The following MROH6 variants were observed in gnomAD, a reference collection of about 807,000 sequenced individuals.
The protein encoded by MROH6 is maestro heat-like repeat-containing protein family member 6.
In MROH6, 62 loss-of-function variants were observed where a neutral mutation model predicts 67.7. The observed-to-expected ratio is 0.92, with a 90% CI of 0.75 to 1.13. The LOEUF is 1.13. MROH6 is among the 50% of genes most tolerant of loss of function. The probability of loss-of-function intolerance (pLI) is 0.00; values close to 1 mark genes in which losing one functional copy is unlikely to be tolerated. For missense variants in MROH6, 1,175 were observed against 1,029.1 expected (o/e 1.14, Z -1.94); for synonymous variants, 566 against 470.8 (o/e 1.20, Z -2.62).
rs1433086262 is a variant in MROH6 at position 143,568,543 on chromosome 8, GC to G, written c.1644+8del. On this transcript the variant is annotated splice_region_variant and intron_variant, in intron 10 of 13. Transcript: ENST00000398882. The stretch of plus-strand genomic sequence containing the variant: ...GCATAGGGGTGGGATGGTGTCGGGG[GC>G]TGCTGACCTCAGCAGCGTCCCTGCT... 1 of 1,520,308 alleles carries G rather than the reference GC, an allele frequency of 6.6e-7. No individual in the cohort carries two copies. Among genetic ancestry groups the G allele is most frequent in the African/African-American group, 1.4e-5 (1 of 72,816 alleles). The allele number at this position is 1,520,308 out of a possible 1,614,324, so 94.2% of individuals were successfully genotyped here. A position where few individuals can be genotyped will look rare whatever the true frequency, so the allele number is the denominator to read the frequency against.
At position 143,570,861 on chromosome 8, in the gene MROH6, G is replaced by A. The variant is rs552541863; in HGVS notation, c.720+16C>T. 2 of 627,276 alleles carry A rather than the reference G, an allele frequency of 3.2e-6. No homozygotes were observed. The highest frequency in any genetic ancestry group is 8.5e-5 in the East Asian group (2 of 23,436). 38.9% of individuals were successfully genotyped at this position (627,276 alleles called of 1,614,324 possible). On this transcript the variant is annotated intron_variant, in intron 4 of 13. Transcript: ENST00000398882. ...ACCCCCGCCCCCACCCCCTGGTAAT[G>A]GCTGGAGCCACCTACCGCCAGTGCC...
rs147170425 is a variant in MROH6, at chr8:143,572,133, G to T, written c.347C>A (p.Thr116Lys). 6.2e-7 allele frequency: 1 copy of T among 1,612,928 alleles called. No homozygotes were observed. The highest frequency in any genetic ancestry group is 8.5e-7 in the Non-Finnish European group (1 of 1,179,872). The change falls in exon 2 of 14, where the codon ACG (threonine) becomes AAG (lysine). Residue 116 changes from threonine to lysine, a missense_variant. Physicochemically the swap from Thr to Lys is moderately conservative, Grantham distance 78. Transcript: ENST00000398882. The stretch of plus-strand genomic sequence containing the variant: ...GCCAGCCTCCTCCAGGCAGGCAGCC[G>T]TGTACAACGCGAGGTCGGCAAGAAC... ...EGVLADLALY[T>K]AACLEEAGFA...
rs1823896061 is a variant in MROH6, at chr8:143,569,823, G to A, written c.1176C>T (p.Pro392=). ...AFFTGLLQSR[P]TARLLREEVI... ...CCTCCTCCCGCAGGAGCCGTGCGGT[G>A]GGCCGGCTCTGCAACAGCTAGGCGA... Residue 392 remains proline (P), a synonymous_variant, in exon 8 of 14, where the codon CCC becomes CCT. Coordinates refer to ENST00000398882, the MANE Select transcript of MROH6 (RefSeq NM_001100878.2). The A allele has an allele frequency of 6.2e-7, 1 of 1,611,164 alleles. No homozygotes were observed. The highest frequency in any genetic ancestry group is 1.7e-5 in the Admixed American group (1 of 59,650).
At position 143,567,109 on chromosome 8, in the gene MROH6, G is replaced by A; in HGVS notation, c.*130C>T. The A allele has an allele frequency of 2.4e-6, 1 of 424,384 alleles. No homozygotes were observed. The highest frequency in any genetic ancestry group is 3.8e-6 in the Non-Finnish European group (1 of 260,476). The allele number at this position is 424,384 out of a possible 1,614,324, so 26.3% of individuals were successfully genotyped here. A position where few individuals can be genotyped will look rare whatever the true frequency, so the allele number is the denominator to read the frequency against. ...GGGTGCCTGAAGAGGGGTCACGGGG[G>A]TGGGGGGTGGGGGAGGGCATTGGCG... On this transcript the variant is annotated 3_prime_UTR_variant, in exon 14 of 14. Coordinates refer to ENST00000398882, the MANE Select transcript of MROH6 (RefSeq NM_001100878.2).
rs1332261891 is a variant in MROH6 at position 143,571,047 on chromosome 8, G to A, written c.603-53C>T. ...GACAAGAGATGGGTGGGTGTCCAGG[G>A]AATGTAGGGAGTCCCCAGCCAGGGT... On this transcript the variant is annotated intron_variant, in intron 3 of 13. Transcript: ENST00000398882. 4.1e-6 allele frequency: 6 copies of A among 1,474,646 alleles called. No individual in the cohort carries two copies. The African/African-American group carries it at 5.6e-5, about 14-fold the overall frequency. The allele number at this position is 1,474,646 out of a possible 1,614,324, so 91.3% of individuals were successfully genotyped here.
chr8:143,567,681 A>G lies in MROH6; in HGVS notation c.1868-5T>C, dbSNP rs748865295. 3 of 1,579,148 alleles carry G rather than the reference A, an allele frequency of 1.9e-6. No homozygotes were observed. The South Asian group carries it at 3.5e-5, about 18-fold the overall frequency. ...TGGCGTGGTGGACAAGGAAGCCTGG[A>G]CCACAGCAGATGCATGAGTGCAGGC... On this transcript the variant is annotated splice_polypyrimidine_tract_variant and splice_region_variant and intron_variant, in intron 12 of 13. Transcript: ENST00000398882.
At chr8:143,569,330 G>A in intron 9 of MROH6, 111 bp downstream of exon 9, 1 of 852,184 alleles carries the variant, frequency 1.2e-6, no homozygotes, top group South Asian at 2.2e-5. Context: ...GGGCCTGAGA[G>A]GGCGGGGCCT....
intron 12 of MROH6, 47 bp from the exon 13 acceptor site, chr8:143,567,723 G>A (rs760059837): frequency 6.4e-7 from 1 of 1,573,338 alleles, no homozygotes; most frequent in Non-Finnish European, 8.6e-7. Flanking sequence ...GCCCCCCAGG[G>A]GGAGGCTGGC....
chr8:143,570,185 G>A (rs961309711), intron 6 of MROH6, 58 bp downstream of exon 6: 1 of 1,557,300 alleles, frequency 6.4e-7, no homozygotes, highest in East Asian at 2.3e-5. Context: ...CCAGCACCTG[G>A]CCAGCAACGA....
intron 4 of MROH6, 21 bp downstream of exon 4, chr8:143,570,856 G>GT: frequency 7.5e-7 from 1 of 1,329,118 alleles, no homozygotes; most frequent in Non-Finnish European, 1.0e-6. Flanking sequence ...CCACCCCCTG[G>GT]TAATGGCTGG....
Position 143,567,358 on chromosome 8 carries a change from G to GCAGC in MROH6, c.2040_2041insGCTG (p.Pro681AlafsTer60). The GCAGC allele has an allele frequency of 8.2e-7, 1 of 1,221,848 alleles. No homozygotes were observed. 75.7% of individuals were successfully genotyped at this position (1,221,848 alleles called of 1,614,324 possible). A position where few individuals can be genotyped will look rare whatever the true frequency, so the allele number is the denominator to read the frequency against. On this transcript the variant is annotated frameshift_variant, in exon 14 of 14. Coordinates refer to ENST00000398882, the MANE Select transcript of MROH6 (RefSeq NM_001100878.2). LOFTEE classifies it low-confidence loss of function (END_TRUNC). ...CGCGGGGCGATGCGGAGAAGGCGGG[G>GCAGC]CCCGCGGGGGCAGCCCCGGGCACGG...
rs1824114759 is a variant in MROH6 at position 143,572,502 on chromosome 8, A to C, written c.213T>G (p.Arg71=). ...LTAPSEAEPG[R]GATVPEAGSE... is the part of the protein sequence containing the mutation. The stretch of plus-strand genomic sequence containing the variant: ...TGCCAGCTTCAGGGACGGTGGCCCC[A>C]CGTCCAGGCTCTGCCTCAGAGGGGG... The change falls in exon 1 of 14, where the codon CGT becomes CGG. Residue 71 remains arginine (R), a synonymous_variant. Transcript: ENST00000398882. The C allele has an allele frequency of 2.5e-6, 4 of 1,604,870 alleles. No individual in the cohort carries two copies. Among genetic ancestry groups the C allele is most frequent in the Non-Finnish European group, 2.5e-6 (3 of 1,177,238 alleles).
chr8:143,567,774 G>T lies in MROH6; in HGVS notation c.1867+12C>A. Reference sequence around the variant, plus strand: ...CCGGTGCCAGGGGCAGTGTGACCCCGGGCGGCCTCACCTATAAGCACGGCG... The same window carrying T: ...CCGGTGCCAGGGGCAGTGTGACCCCTGGCGGCCTCACCTATAAGCACGGCG... On this transcript the variant is annotated intron_variant, in intron 12 of 13. Transcript: ENST00000398882. 1 of 1,564,216 alleles carries T rather than the reference G, an allele frequency of 6.4e-7. No individual in the cohort carries two copies. Among genetic ancestry groups the T allele is most frequent in the African/African-American group, 1.4e-5 (1 of 73,608 alleles).
In MROH6 at chr8:143,569,987, G is replaced by A; in HGVS notation, c.1122C>T (p.Asp374=). 3 of 1,612,798 alleles carry A rather than the reference G, an allele frequency of 1.9e-6. No individual in the cohort carries two copies. Among genetic ancestry groups the A allele is most frequent in the Non-Finnish European group, 2.5e-6 (3 of 1,179,862 alleles). ...AGGCCATAGCCGTGAGACGCTGCGGGTCGTCCGCGCTGCGAAGCCGAGGGA... is the reference window on the plus strand; with the variant it reads ...AGGCCATAGCCGTGAGACGCTGCGGATCGTCCGCGCTGCGAAGCCGAGGGA... The part of the protein sequence containing the change: ...DLLPRLRSAD[D]PQRLTAMAFF... The change falls in exon 7 of 14, where the codon GAC becomes GAT. Residue 374 remains aspartate, a synonymous_variant. Transcript: ENST00000398882.
At chr8:143,570,685 TG>T in intron 4 of MROH6, 28 bp from the exon 5 acceptor site, 1 of 1,574,362 alleles carries the variant, frequency 6.4e-7, no homozygotes, top group Non-Finnish European at 8.6e-7. Context: ...CACTCAGGCC[TG>T]GGGCACGCCT....
chr8:143,571,656 G>A lies in MROH6; in HGVS notation c.602+11C>T, dbSNP rs777941951. Reference sequence around the variant, plus strand: ...CGCGTGGGGACCGCAGGGCCAGGACGGTTGGGTTACCGATCGGCGGGCAGA... The same window carrying A: ...CGCGTGGGGACCGCAGGGCCAGGACAGTTGGGTTACCGATCGGCGGGCAGA... On this transcript the variant is annotated intron_variant, in intron 3 of 13. Transcript: ENST00000398882. The A allele has an allele frequency of 2.8e-5, 44 of 1,560,628 alleles. No individual in the cohort carries two copies. The East Asian group carries it at 5.8e-4, about 20-fold the overall frequency.
chr8:143,567,662 G>A lies in MROH6; in HGVS notation c.1882C>T (p.His628Tyr), dbSNP rs758480852. Residue 628 changes from histidine to tyrosine, a missense_variant, in exon 13 of 14, where the codon CAC becomes TAC. Physicochemically the swap from His to Tyr is moderately conservative, Grantham distance 83 (BLOSUM62 2). Coordinates refer to ENST00000398882, the MANE Select transcript of MROH6 (RefSeq NM_001100878.2). ...TGGTTGACACAGCCGGGGCTGGCGT[G>A]GTGGACAAGGAAGCCTGGACCACAG... ...AAVLIGFLVHHASPGCVNQDL... is the reference protein window; with the variant it reads ...AAVLIGFLVHYASPGCVNQDL... 30 of 1,577,158 alleles carry A rather than the reference G, an allele frequency of 1.9e-5. No homozygotes were observed. Among genetic ancestry groups the A allele is most frequent in the Non-Finnish European group, 2.5e-5 (29 of 1,162,414 alleles).
Position 143,569,540 on chromosome 8 carries a change from T to G in MROH6, c.1377A>C (p.Ala459=), listed in dbSNP as rs1823871922. The G allele has an allele frequency of 2.6e-6, 4 of 1,528,860 alleles. No homozygotes were observed. Among genetic ancestry groups the G allele is most frequent in the Non-Finnish European group, 3.5e-6 (4 of 1,144,048 alleles). 94.7% of individuals were successfully genotyped at this position (1,528,860 alleles called of 1,614,324 possible). ...LGEGDARLVG[A]ALGALRRLLL... ...GGAGCCTCCTCAGGGCGCCCAGCGCTGCACCCACGAGCCGCGCGTCGCCTT... is the reference window on the plus strand; with the variant it reads ...GGAGCCTCCTCAGGGCGCCCAGCGCGGCACCCACGAGCCGCGCGTCGCCTT... Residue 459 remains alanine (A), a synonymous_variant, in exon 9 of 14, where the codon GCA becomes GCC. Transcript: ENST00000398882.
In MROH6 at chr8:143,570,672, G is replaced by A; in HGVS notation, c.721-15C>T. ...GCACGTGTGGCCTGTGGAGCAAGTG[G>A]CCCACTCAGGCCTGGGGCACGCCTG... is the stretch of plus-strand genomic sequence containing the variant. On this transcript the variant is annotated splice_polypyrimidine_tract_variant and intron_variant, in intron 4 of 13. Coordinates refer to ENST00000398882, the MANE Select transcript of MROH6 (RefSeq NM_001100878.2). 1 of 1,582,662 alleles carries A rather than the reference G, an allele frequency of 6.3e-7. No individual in the cohort carries two copies. The highest frequency in any genetic ancestry group is 1.1e-5 in the South Asian group (1 of 88,924).
Sources: allele counts gnomAD v4.1 joint callset, GRCh38; gene constraint gnomAD v4.1.1; transcripts MANE v1.5; gene names NCBI Gene and HGNC (gene_info 2026-07-23, HGNC 2026-07-21).